Variants in PSMD1 observed in about 807,000 individuals in gnomAD.
The protein encoded by PSMD1 is 26S proteasome non-ATPase regulatory subunit 1.
PSMD1 carries 18 observed loss-of-function variants against 119.0 expected under a neutral mutation model. The ratio of observed to expected loss-of-function variants is 0.15; its 90% CI spans 0.10 to 0.22. PSMD1 has a LOEUF of 0.22. Among genes scored for constraint, PSMD1 ranks in the 10% least tolerant of loss-of-function variants. The probability of loss-of-function intolerance (pLI) is 1.00; values close to 1 mark genes in which losing one functional copy is unlikely to be tolerated. For synonymous variants in PSMD1, 374 were observed against 396.6 expected (o/e 0.94, Z 0.68); for missense variants, 702 against 1,158.5 (o/e 0.61, Z 5.72).
intron 16 of PSMD1, among the ~76,000 whole-genome samples, chr2:231,106,098 T>C (rs1241339153): frequency 6.6e-6 from 1 of 152,090 alleles, no homozygotes; most frequent in African/African-American, 2.4e-5. Context: ...TAACTGGAGT[T>C]CTTTTGTTAC....
chr2:231,097,754 C>T (rs980593467), intron 16 of PSMD1, among the ~76,000 whole-genome samples: 4 of 152,082 alleles, frequency 2.6e-5, no homozygotes, highest in Non-Finnish European at 5.9e-5. Flanking sequence ...ACGTGAGAGT[C>T]GAAAGACCCA....
At chr2:231,168,233 C>T (rs1696832654) in intron 23 of PSMD1, among the ~76,000 whole-genome samples, 1 of 152,108 alleles carries the variant, frequency 6.6e-6, no homozygotes, top group Non-Finnish European at 1.5e-5. Context: ...AAGTTACAGC[C>T]ACAGTGGAAA....
intron 4 of PSMD1, among the ~76,000 whole-genome samples, chr2:231,066,445 G>A (rs1693912321): frequency 6.6e-6 from 1 of 152,230 alleles, no homozygotes; most frequent in Admixed American, 6.5e-5. Flanking sequence ...TTTTTTGAAA[G>A]TGAAGCAGCA....
chr2:231,070,095 G>T lies in PSMD1; in HGVS notation c.581G>T (p.Arg194Leu), dbSNP rs371110831. The change falls in exon 6 of 25, where the codon CGG (arginine) becomes CTG (leucine). Residue 194 changes from arginine (R) to leucine (L), a missense_variant. By Grantham distance (102) the Arg-to-Leu change is moderately radical. Around this residue, in one of 9 missense-constraint regions of PSMD1, gnomAD observed 58 missense variants for 54.0 expected, o/e 1.07. Coordinates refer to ENST00000308696, the MANE Select transcript of PSMD1 (RefSeq NM_002807.4). ...TCTTTAATGCAGAATAAACAGTTTCGGAATAAAGTACTAAGAGTTCTAGTT... is the reference window on the plus strand; with the variant it reads ...TCTTTAATGCAGAATAAACAGTTTCTGAATAAAGTACTAAGAGTTCTAGTT... The part of the protein sequence containing the change: ...CMSLMQNKQF[R>L]NKVLRVLVKI... 1 of 1,576,710 alleles carries T rather than the reference G, an allele frequency of 6.3e-7. No individual in the cohort carries two copies. The highest frequency in any genetic ancestry group is 8.6e-7 in the Non-Finnish European group (1 of 1,165,244).
At chr2:231,095,394 C>T (rs182525639) in intron 16 of PSMD1, among the ~76,000 whole-genome samples, 1 of 152,306 alleles carries the variant, frequency 6.6e-6, no homozygotes, top group East Asian at 1.9e-4. Flanking sequence ...AAGGAGAGGA[C>T]ATTTGCACAT....
At chr2:231,098,054 G>A (rs1694767426) in intron 16 of PSMD1, among the ~76,000 whole-genome samples, 1 of 152,210 alleles carries the variant, frequency 6.6e-6, no homozygotes, top group Admixed American at 6.5e-5. Flanking sequence ...ACTTAGTGTT[G>A]GGAGACGGAA....
At chr2:231,165,041 TATATATATATATATATATA>T (rs1696738118) in intron 21 of PSMD1, 140 bp from the exon 22 acceptor site, 1 of 9,438 alleles carries the variant, frequency 1.1e-4, no homozygotes, top group Non-Finnish European at 1.7e-4. Flanking sequence ...TATTTATATA[TATATATATATATATATATA>T]TATATATATA....
intron 16 of PSMD1, chr2:231,108,260 G>T (rs1695023480): frequency 2.8e-6 from 1 of 361,396 alleles, no homozygotes. Flanking sequence ...TTATTGATTT[G>T]ACTTTATTTC....
At position 231,165,934 on chromosome 2, in the gene PSMD1, T is replaced by C. The variant is rs1350829114; in HGVS notation, c.2632T>C (p.Leu878=). The change falls in exon 23 of 25, where the codon TTG becomes CTG. Residue 878 remains leucine, a synonymous_variant. Transcript: ENST00000308696. ...AGAACCTGAGCCAAACTTCCAGTTATTGGATAACCCAGCCCGAGTTATGCC... is the reference window on the plus strand; with the variant it reads ...AGAACCTGAGCCAAACTTCCAGTTACTGGATAACCCAGCCCGAGTTATGCC... ...KKEPEPNFQL[L]DNPARVMPAQ... 1 of 1,613,908 alleles carries C rather than the reference T, an allele frequency of 6.2e-7. No homozygotes were observed. The highest frequency in any genetic ancestry group is 1.7e-5 in the Admixed American group (1 of 60,012).
intron 23 of PSMD1, among the ~76,000 whole-genome samples, chr2:231,169,744 G>T (rs1374685794): frequency 6.6e-6 from 1 of 152,150 alleles, no homozygotes; most frequent in Non-Finnish European, 1.5e-5. Context: ...ATTACATAGA[G>T]CAGCTTTCCA....
At chr2:231,153,749 T>C (rs1358758795) in intron 19 of PSMD1, 83 bp downstream of exon 19, 4 of 1,004,040 alleles carry the variant, frequency 4.0e-6, no homozygotes, top group Non-Finnish European at 4.4e-6. Context: ...TATGACATAA[T>C]GGAAATTGAG....
At chr2:231,162,932 C>T (rs573505437) in intron 20 of PSMD1, among the ~76,000 whole-genome samples, 4 of 150,756 alleles carry the variant, frequency 2.7e-5, no homozygotes, top group Non-Finnish European at 4.4e-5. Flanking sequence ...CCCGTCTCTA[C>T]TAAAAATACA....
intron 7 of PSMD1, 102 bp from the exon 8 acceptor site, chr2:231,075,409 A>C: frequency 9.4e-7 from 1 of 1,058,446 alleles, no homozygotes; most frequent in Non-Finnish European, 1.4e-6. Flanking sequence ...TTTAGTAAAC[A>C]TTATTTTCTT....
At chr2:231,101,344 C>T (rs1288414199) in intron 16 of PSMD1, among the ~76,000 whole-genome samples, 1 of 152,138 alleles carries the variant, frequency 6.6e-6, no homozygotes, top group African/African-American at 2.4e-5. Flanking sequence ...TTTGCAAAAC[C>T]TCCCGGCCTT....
At chr2:231,126,455 A>G (rs1016607545) in intron 16 of PSMD1, among the ~76,000 whole-genome samples, 4 of 152,252 alleles carry the variant, frequency 2.6e-5, no homozygotes, top group Middle Eastern at 3.4e-3. Context: ...TTAAAAAAAA[A>G]AGAGGAAAAG....
chr2:231,110,267 C>T lies in PSMD1; in HGVS notation c.1883+23086C>T, dbSNP rs577643905. ...CCCAGGAGGCCGAGGTTGCAGTGAGCCGAGATCACACCACTGCCCTCCACG... is the reference window on the plus strand; with the variant it reads ...CCCAGGAGGCCGAGGTTGCAGTGAGTCGAGATCACACCACTGCCCTCCACG... On this transcript the variant is annotated intron_variant, in intron 16 of 24. Coordinates refer to ENST00000308696, the MANE Select transcript of PSMD1 (RefSeq NM_002807.4). Among the ~76,000 whole-genome samples, 287 of 152,168 alleles carry T rather than the reference C, an allele frequency of 1.9e-3. 1 individual carries two copies. Among genetic ancestry groups the T allele is most frequent in the Non-Finnish European group, 3.5e-3 (240 of 67,998 alleles).
At chr2:231,081,188 G>C (rs1441049659) in intron 12 of PSMD1, among the ~76,000 whole-genome samples, 2 of 147,648 alleles carry the variant, frequency 1.4e-5, no homozygotes, top group African/African-American at 4.9e-5. Context: ...ATAGGATGAT[G>C]TCTCAATTAA....
intron 16 of PSMD1, among the ~76,000 whole-genome samples, chr2:231,126,793 T>G (rs929166837): frequency 2.0e-5 from 3 of 152,174 alleles, no homozygotes; most frequent in African/African-American, 7.2e-5. Flanking sequence ...TAAGTCTGTT[T>G]AATGTCTAAG....
intron 20 of PSMD1, 46 bp from the exon 21 acceptor site, chr2:231,163,589 G>A (rs1559255281): frequency 6.9e-7 from 1 of 1,439,868 alleles, no homozygotes; most frequent in Non-Finnish European, 9.8e-7. Flanking sequence ...CCTGTGGAGA[G>A]CACAGAGTAC....
Sources: allele counts gnomAD v4.1 joint callset (sites outside exome capture counted in the v4.1 genomes callset), GRCh38; gene constraint gnomAD v4.1.1; regional missense constraint gnomAD v4.1.1; transcripts MANE v1.5; gene names NCBI Gene and HGNC (gene_info 2026-07-23, HGNC 2026-07-21).